Variants in TMEM132D observed in about 807,000 individuals in gnomAD.
TMEM132D encodes transmembrane protein 132D.
In TMEM132D, 21 loss-of-function variants were observed where a neutral mutation model predicts 62.3. The ratio of observed to expected loss-of-function variants is 0.34; its 90% confidence interval spans 0.24 to 0.49. The LOEUF (loss-of-function observed/expected upper bound fraction) is 0.49, where lower values mean the gene tolerates loss of function less well. Among genes scored for constraint, TMEM132D ranks in the 20% least tolerant of loss-of-function variants. TMEM132D has a pLI of 0.99. For synonymous variants in TMEM132D, 621 were observed against 575.6 expected, an observed-to-expected ratio of 1.08 and a Z score of -1.13; for missense variants, 1,346 against 1,402.8, an observed-to-expected ratio of 0.96 and a Z score of 0.65.
chr12:129,276,182 G>A (rs1194697915), intron 4 of TMEM132D, among the ~76,000 whole-genome samples: 1 of 152,100 alleles, frequency 6.6e-6, no homozygotes, highest in African/African-American at 2.4e-5. Flanking sequence ...TTGCCCACTC[G>A]GGGAAAATGA....
At chr12:129,417,293 C>T (rs745645382) in intron 3 of TMEM132D, among the ~76,000 whole-genome samples, 2 of 152,154 alleles carry the variant, frequency 1.3e-5, no homozygotes, top group Non-Finnish European at 2.9e-5. Flanking sequence ...TACCTGACTT[C>T]AAGCTATACT....
At chr12:129,231,702 C>T (rs924338705) in intron 4 of TMEM132D, among the ~76,000 whole-genome samples, 3 of 152,082 alleles carry the variant, frequency 2.0e-5, no homozygotes, top group African/African-American at 4.8e-5. Flanking sequence ...AGGCTGAGGT[C>T]GTGGGTTCAA....
At chr12:129,566,789 C>T (rs1284668895) in intron 2 of TMEM132D, among the ~76,000 whole-genome samples, 2 of 152,166 alleles carry the variant, frequency 1.3e-5, no homozygotes, top group Admixed American at 6.5e-5. Context: ...TTACCTAAGC[C>T]TCTAGGATTC....
At chr12:129,609,907 G>T (rs184084477) in intron 2 of TMEM132D, among the ~76,000 whole-genome samples, 44 of 152,216 alleles carry the variant, frequency 2.9e-4, no homozygotes, top group African/African-American at 9.4e-4. Flanking sequence ...GTCCTAGAAA[G>T]GGGCGTGGTC....
At chr12:129,143,879 G>A (rs1486758161) in intron 5 of TMEM132D, among the ~76,000 whole-genome samples, 1 of 152,034 alleles carries the variant, frequency 6.6e-6, no homozygotes, top group Non-Finnish European at 1.5e-5. Context: ...CTCAAATTGT[G>A]CCCTTCAGAG....
intron 3 of TMEM132D, among the ~76,000 whole-genome samples, chr12:129,451,727 G>A (rs1873292485): frequency 6.6e-6 from 1 of 152,182 alleles, no homozygotes; most frequent in East Asian, 1.9e-4. Flanking sequence ...GACTGATATG[G>A]CAGCTTCATG....
At chr12:129,888,234 A>G (rs1175435508) in intron 1 of TMEM132D, among the ~76,000 whole-genome samples, 3 of 152,358 alleles carry the variant, frequency 2.0e-5, no homozygotes, top group East Asian at 3.9e-4. Flanking sequence ...AAAAATTACA[A>G]TCATTGAAAA....
At chr12:129,163,562 G>T (rs1369649188) in intron 5 of TMEM132D, among the ~76,000 whole-genome samples, 1 of 152,202 alleles carries the variant, frequency 6.6e-6, no homozygotes, top group East Asian at 1.9e-4. Flanking sequence ...CCCACTGCTG[G>T]ACTGCTGCTG....
intron 2 of TMEM132D, among the ~76,000 whole-genome samples, chr12:129,590,113 T>C (rs148309993): frequency 1.7e-3 from 253 of 152,314 alleles, no homozygotes; most frequent in African/African-American, 5.7e-3. Context: ...TTGCTCTTTT[T>C]ATATTTTGAA....
chr12:129,334,352 A>G (rs1309054485), intron 4 of TMEM132D, among the ~76,000 whole-genome samples: 2 of 147,466 alleles, frequency 1.4e-5, no homozygotes, highest in Non-Finnish European at 2.9e-5. Flanking sequence ...AGAGTGATGG[A>G]TCTAAAATTT....
At chr12:129,502,970 C>T (rs374135324) in intron 3 of TMEM132D, among the ~76,000 whole-genome samples, 46 of 152,170 alleles carry the variant, frequency 3.0e-4, no homozygotes, top group African/African-American at 9.4e-4. Context: ...AGGGCAAGAA[C>T]CTTGACTGTC....
At chr12:129,755,561 TG>T (rs1176601052) in intron 1 of TMEM132D, among the ~76,000 whole-genome samples, 1 of 152,166 alleles carries the variant, frequency 6.6e-6, no homozygotes, top group Admixed American at 6.5e-5. Flanking sequence ...CAAAGCAAAT[TG>T]GTGCCACCAA....
chr12:129,300,467 G>C (rs984437896), intron 4 of TMEM132D, among the ~76,000 whole-genome samples: 2 of 152,184 alleles, frequency 1.3e-5, no homozygotes, highest in Non-Finnish European at 2.9e-5. Flanking sequence ...ACCTGTTAAG[G>C]TTTTTGCTAT....
intron 1 of TMEM132D, among the ~76,000 whole-genome samples, chr12:129,876,147 G>T (rs1874410253): frequency 6.6e-6 from 1 of 152,214 alleles, no homozygotes; most frequent in South Asian, 2.1e-4. Flanking sequence ...GAAATCGACA[G>T]AAGGGAGGCC....
rs528274980 is a variant in TMEM132D at position 129,336,690 on chromosome 12, T to C, written c.1299+944A>G. Among the ~76,000 whole-genome samples, 7 of 152,174 alleles carry C rather than the reference T, an allele frequency of 4.6e-5. No homozygotes were observed. The South Asian group carries it at 1.0e-3, about 23-fold the overall frequency. On this transcript the variant is annotated intron_variant, in intron 4 of 8. Transcript: ENST00000422113. ...GCTCTTGTGGGACTGAGGACTCGTA[T>C]AGGCCATGAGGAACGATGGGGTTTA... is the stretch of plus-strand genomic sequence containing the variant.
chr12:129,202,080 A>T (rs1488166168), intron 5 of TMEM132D, among the ~76,000 whole-genome samples: 1 of 152,176 alleles, frequency 6.6e-6, no homozygotes, highest in African/African-American at 2.4e-5. Context: ...CGCAATTTAC[A>T]ATTCAACGGG....
chr12:129,735,925 G>A (rs919593311), intron 1 of TMEM132D, among the ~76,000 whole-genome samples: 1 of 152,148 alleles, frequency 6.6e-6, no homozygotes, highest in Non-Finnish European at 1.5e-5. Context: ...AAGCACGAAT[G>A]AGGGGCAGCA....
intron 3 of TMEM132D, among the ~76,000 whole-genome samples, chr12:129,373,919 A>G (rs1234701088): frequency 2.0e-5 from 3 of 152,218 alleles, no homozygotes; most frequent in African/African-American, 7.2e-5. Context: ...CAGAAAAGCT[A>G]CGTGGTGCTT....
At chr12:129,619,053 G>A (rs1029298709) in intron 2 of TMEM132D, among the ~76,000 whole-genome samples, 2 of 152,190 alleles carry the variant, frequency 1.3e-5, no homozygotes, top group Non-Finnish European at 2.9e-5. Flanking sequence ...TTATCATGCA[G>A]GTGAAGCCTC....
Sources: allele counts gnomAD v4.1 joint callset (sites outside exome capture counted in the v4.1 genomes callset), GRCh38; gene constraint gnomAD v4.1.1; transcripts MANE v1.5; gene names NCBI Gene and HGNC (gene_info 2026-07-23, HGNC 2026-07-21).